KSR2: variants seen among roughly 807,000 people sequenced by gnomAD.
KSR2 encodes the protein kinase suppressor of ras 2.
Under a neutral mutation model 107.8 loss-of-function variants are expected in KSR2, and 25 were observed. The ratio of observed to expected loss-of-function variants is 0.23; its 90% CI spans 0.17 to 0.32. The LOEUF (loss-of-function observed/expected upper bound fraction) is 0.32. Among genes scored for constraint, KSR2 ranks in the 10% least tolerant of loss-of-function variants. KSR2 has a pLI of 1.00. For synonymous variants in KSR2, 480 were observed against 507.0 expected, an observed-to-expected ratio of 0.95 and a Z score of 0.71; for missense variants, 887 against 1,268.9, an observed-to-expected ratio of 0.70 and a Z score of 4.57.
intron 1 of KSR2, among the ~76,000 whole-genome samples, chr12:117,938,432 T>A (rs566484093): frequency 6.6e-5 from 10 of 152,096 alleles, no homozygotes; most frequent in African/African-American, 1.9e-4. Flanking sequence ...GGTGGGAGGA[T>A]CGCTTGAGTC....
At chr12:117,636,948 T>A (rs887987893) in intron 5 of KSR2, among the ~76,000 whole-genome samples, 61 of 146,632 alleles carry the variant, frequency 4.2e-4, no homozygotes, top group Non-Finnish European at 7.9e-4. Context: ...TTTCTAAAAG[T>A]CAATAAAAAA....
chr12:117,746,581 T>C (rs926641235), intron 4 of KSR2, among the ~76,000 whole-genome samples: 2 of 152,068 alleles, frequency 1.3e-5, no homozygotes, highest in Non-Finnish European at 2.9e-5. Flanking sequence ...ATTTGACAAA[T>C]GGAGTCTAAT....
chr12:117,966,617 G>GCA (rs1353712868), intron 1 of KSR2, among the ~76,000 whole-genome samples: 5,884 of 130,474 alleles, frequency 0.045, 295 homozygotes, highest in East Asian at 0.17. Flanking sequence ...TCTCTCACAC[G>GCA]CGCACGCACA....
At chr12:117,627,706 T>A (rs912541848) in intron 5 of KSR2, among the ~76,000 whole-genome samples, 4 of 152,310 alleles carry the variant, frequency 2.6e-5, no homozygotes, top group African/African-American at 9.6e-5. Context: ...AAGGAGTATC[T>A]TTGTGGTGTT....
At chr12:117,814,194 A>G (rs1230134008) in intron 3 of KSR2, among the ~76,000 whole-genome samples, 1 of 152,212 alleles carries the variant, frequency 6.6e-6, no homozygotes, top group East Asian at 1.9e-4. Flanking sequence ...CTAATGTTCT[A>G]TACCACTGTG....
chr12:117,636,772 T>A (rs771812613), intron 5 of KSR2, among the ~76,000 whole-genome samples: 1 of 152,188 alleles, frequency 6.6e-6, no homozygotes, highest in African/African-American at 2.4e-5. Context: ...TAACATTTTT[T>A]AAAAGTCAAC....
intron 4 of KSR2, among the ~76,000 whole-genome samples, chr12:117,720,874 C>G (rs7965136): frequency 0.38 from 57,954 of 151,980 alleles, 11,217 homozygotes; most frequent in Middle Eastern, 0.49. Context: ...AGAAGAGGCA[C>G]AGACAAAAGC....
rs1318975180 is a variant in KSR2, at chr12:117,530,943, T to C, written c.1800A>G (p.Pro600=). Residue 600 remains proline, a splice_region_variant and synonymous_variant, in exon 12 of 20, where the codon CCA becomes CCG. Coordinates refer to ENST00000339824, the MANE Select transcript of KSR2 (RefSeq NM_173598.6). ...GAAGATGTCTCTGTCTCACTTACATTGGATTCGAGGTCACCGGATGCAGGA... is the reference window on the plus strand; with the variant it reads ...GAAGATGTCTCTGTCTCACTTACATCGGATTCGAGGTCACCGGATGCAGGA... ...QVILHPVTSN[P]ILEGNPLLQI... is the part of the protein sequence containing the mutation. The C allele has an allele frequency of 1.2e-6, 2 of 1,613,600 alleles. No homozygotes were observed. The highest frequency in any genetic ancestry group is 1.7e-5 in the Admixed American group (1 of 59,984).
chr12:117,620,320 C>A (rs1001388484), intron 5 of KSR2, among the ~76,000 whole-genome samples: 1 of 152,076 alleles, frequency 6.6e-6, no homozygotes, highest in South Asian at 2.1e-4. Flanking sequence ...AGGGTCTGCC[C>A]CATTGTGGAT....
At chr12:117,653,717 C>G (rs1883998507) in intron 5 of KSR2, among the ~76,000 whole-genome samples, 1 of 152,212 alleles carries the variant, frequency 6.6e-6, no homozygotes, top group African/African-American at 2.4e-5. Flanking sequence ...TTTGGCCCCT[C>G]CTACAACAAA....
In KSR2 at chr12:117,793,014, ACG is replaced by A. The variant is rs536421034; in HGVS notation, c.473-31492_473-31491del. On this transcript the variant is annotated intron_variant, in intron 3 of 19. Coordinates refer to ENST00000339824, the MANE Select transcript of KSR2 (RefSeq NM_173598.6). ...ACATGCACGCACACACACCAACAGT[ACG>A]CACTCTCACATCAACATGCACACAC... 1.8e-3 allele frequency among the ~76,000 whole-genome samples: 266 copies of A among 143,810 alleles called. 1 individual carries two copies. Among genetic ancestry groups the A allele is most frequent in the African/African-American group, 6.2e-3 (239 of 38,336 alleles). The allele number at this position is 143,810 out of a possible 152,430, so 94.3% of individuals were successfully genotyped here.
intron 3 of KSR2, among the ~76,000 whole-genome samples, chr12:117,839,120 T>C (rs1892361401): frequency 6.6e-6 from 1 of 152,220 alleles, no homozygotes; most frequent in South Asian, 2.1e-4. Flanking sequence ...CACGATCTCA[T>C]TCCTGATACA....
At chr12:117,655,349 C>G (rs1593097764) in intron 5 of KSR2, among the ~76,000 whole-genome samples, 1 of 152,314 alleles carries the variant, frequency 6.6e-6, no homozygotes, top group East Asian at 1.9e-4. Context: ...CCATGTTCCC[C>G]ATCATCCTGA....
At chr12:117,740,627 T>G (rs1449116096) in intron 4 of KSR2, among the ~76,000 whole-genome samples, 1,563 of 122,816 alleles carry the variant, frequency 0.013, 34 homozygotes, top group African/African-American at 0.041. Flanking sequence ...ATATATTATA[T>G]ATGTAATATA....
At chr12:117,709,326 G>A (rs546329429) in intron 4 of KSR2, among the ~76,000 whole-genome samples, 2 of 151,928 alleles carry the variant, frequency 1.3e-5, no homozygotes, top group Non-Finnish European at 2.9e-5. Flanking sequence ...ACAATCATTG[G>A]GCTATATGTT....
At chr12:117,918,436 T>C (rs1368800106) in intron 1 of KSR2, among the ~76,000 whole-genome samples, 1 of 152,200 alleles carries the variant, frequency 6.6e-6, no homozygotes, top group Non-Finnish European at 1.5e-5. Context: ...ATCACCTGCT[T>C]GCCTGCCCTA....
intron 1 of KSR2, among the ~76,000 whole-genome samples, chr12:117,946,972 C>T (rs189306452): frequency 1.5e-4 from 23 of 151,822 alleles, no homozygotes; most frequent in Admixed American, 5.9e-4. Flanking sequence ...CAAGACCAGC[C>T]TGACCAACAT....
At chr12:117,892,374 C>T (rs1894372244) in intron 1 of KSR2, among the ~76,000 whole-genome samples, 1 of 152,112 alleles carries the variant, frequency 6.6e-6, no homozygotes, top group South Asian at 2.1e-4. Flanking sequence ...TGTCCTTATG[C>T]CTCTCAAACA....
At chr12:117,886,277 G>A (rs1303637437) in intron 1 of KSR2, among the ~76,000 whole-genome samples, 2 of 150,770 alleles carry the variant, frequency 1.3e-5, no homozygotes, top group African/African-American at 2.4e-5. Context: ...ATAAATATAT[G>A]TAATTATACA....
Sources: allele counts gnomAD v4.1 joint callset (sites outside exome capture counted in the v4.1 genomes callset), GRCh38; gene constraint gnomAD v4.1.1; transcripts MANE v1.5; gene names NCBI Gene and HGNC (gene_info 2026-07-23, HGNC 2026-07-21).